The following GYG2 variants were observed in gnomAD, a reference collection of about 807,000 sequenced individuals.
GYG2 encodes the protein glycogenin 2.
GYG2 carries 29 observed loss-of-function variants against 29.4 expected under a neutral mutation model. The observed-to-expected ratio is 0.99, with a 90% CI of 0.74 to 1.35. The LOEUF (loss-of-function observed/expected upper bound fraction) is 1.35. Ranked by LOEUF, GYG2 falls within the 40% of genes most tolerant of loss-of-function variation. The pLI, the probability that GYG2 is intolerant of heterozygous loss-of-function variation, is 0.00. For synonymous variants in GYG2, 167 were observed against 172.3 expected (o/e 0.97, Z 0.24); for missense variants, 370 against 385.7 (o/e 0.96, Z 0.34).
chrX:2,848,714 A>G (rs1318876465), intron 3 of GYG2, among the ~76,000 whole-genome samples: 1 of 111,602 alleles, frequency 9.0e-6, no homozygotes, highest in Non-Finnish European at 1.9e-5. Context: ...AACACAAAGG[A>G]TAAATGCTTG....
chrX:2,843,383 A>T (rs775518611), intron 3 of GYG2, 29 bp downstream of exon 3: 15 of 1,146,479 alleles, frequency 1.3e-5, no homozygotes, highest in Admixed American at 4.7e-5. Flanking sequence ...GCTTGTGCCC[A>T]GCTGGGTCCT....
intron 5 of GYG2, among the ~76,000 whole-genome samples, chrX:2,855,727 A>G (rs2087970121): frequency 9.0e-6 from 1 of 111,207 alleles, no homozygotes; most frequent in Admixed American, 9.6e-5. Flanking sequence ...GGAGTTCAAG[A>G]CCAGCCTAGG....
intron 8 of GYG2, among the ~76,000 whole-genome samples, chrX:2,864,285 A>C (rs1231616265): frequency 8.9e-6 from 1 of 111,928 alleles, no homozygotes; most frequent in Non-Finnish European, 1.9e-5. Context: ...ATGAGGTATC[A>C]ATATGCGTAA....
At chrX:2,855,257 C>G (rs1237183435) in intron 5 of GYG2, 102 bp downstream of exon 5, 4 of 707,002 alleles carry the variant, frequency 5.7e-6, no homozygotes, top group Non-Finnish European at 8.6e-6. Context: ...ACACCTCGCT[C>G]AGCGACAGGG....
At chrX:2,863,214 G>A (rs987941465) in intron 8 of GYG2, among the ~76,000 whole-genome samples, 1 of 109,322 alleles carries the variant, frequency 9.1e-6, no homozygotes, top group Non-Finnish European at 1.9e-5. Flanking sequence ...AGCTGGGACT[G>A]CAGGTGCCCG....
At position 2,878,867 on chromosome X, in the gene GYG2, G is replaced by A. The variant is rs12396384; in HGVS notation, c.1251+1560G>A. Among the ~76,000 whole-genome samples the A allele has an allele frequency of 2.3e-3, 253 of 112,206 alleles. 2 individuals are homozygous for A. Among genetic ancestry groups the A allele is most frequent in the African/African-American group, 7.9e-3 (244 of 30,926 alleles). On this transcript the variant is annotated intron_variant, in intron 10 of 10. Coordinates refer to ENST00000398806, the MANE Select transcript of GYG2 (RefSeq NM_001079855.2). ...ATACTCATCTCTTGTTAGCAGAAAT[G>A]TCACAATCACTGTGCTGTTTTGTCT...
At chrX:2,868,853 C>G (rs1031742810) in intron 8 of GYG2, among the ~76,000 whole-genome samples, 5 of 111,506 alleles carry the variant, frequency 4.5e-5, no homozygotes, top group East Asian at 2.8e-4. Flanking sequence ...CAAAACAAAA[C>G]TCTTTTTAAC....
At chrX:2,849,297 T>C (rs2087815227) in intron 3 of GYG2, among the ~76,000 whole-genome samples, 1 of 110,842 alleles carries the variant, frequency 9.0e-6, no homozygotes, top group Non-Finnish European at 1.9e-5. Context: ...CAGAGGGAGA[T>C]TTGCTGAAGG....
At position 2,844,649 on chromosome X, in the gene GYG2, C is replaced by T. The variant is rs866270059; in HGVS notation, c.149+1295C>T. Among the ~76,000 whole-genome samples the T allele has an allele frequency of 9.8e-5, 2 of 20,343 alleles. 1 individual carries two copies. Among genetic ancestry groups the T allele is most frequent in the African/African-American group, 6.3e-4 (2 of 3,180 alleles). The allele number at this position is 20,343 out of a possible 115,157, so 17.7% of individuals were successfully genotyped here. A position where few individuals can be genotyped will look rare whatever the true frequency, so the allele number is the denominator to read the frequency against. The stretch of plus-strand genomic sequence containing the variant: ...GCACACGCATGCGTATATGTGTATA[C>T]GCACACGCATGCGTATATGTGTATA... On this transcript the variant is annotated intron_variant, in intron 3 of 10. Transcript: ENST00000398806.
chrX:2,860,674 T>C (rs5939375), intron 7 of GYG2, among the ~76,000 whole-genome samples: 8,278 of 105,313 alleles, frequency 0.079, 430 homozygotes, highest in Non-Finnish European at 0.13. Context: ...AACTAGAGCA[T>C]TTGTACTAGA....
intron 3 of GYG2, among the ~76,000 whole-genome samples, chrX:2,846,296 A>G (rs2087736391): frequency 1.9e-5 from 2 of 106,038 alleles, no homozygotes; most frequent in Admixed American, 2.1e-4. Context: ...CGAACGCCTG[A>G]CCTCAAGTGA....
At chrX:2,840,007 C>T (rs1039961637) in intron 2 of GYG2, among the ~76,000 whole-genome samples, 2 of 111,902 alleles carry the variant, frequency 1.8e-5, no homozygotes, top group African/African-American at 6.5e-5. Context: ...ATGCGAGTCA[C>T]TTGTGCACTT....
rs2088715010 is a variant in GYG2, at chrX:2,881,216, C to T, written c.*3C>T. On this transcript the variant is annotated 3_prime_UTR_variant, in exon 11 of 11. Transcript: ENST00000398806. ...AGCTGGACCGGTTCCTGCAGTAATC[C>T]GGCAGCTGGTGGGCGTTGTGTGTAG... 5 of 1,174,305 alleles carry T rather than the reference C, an allele frequency of 4.3e-6. No individual in the cohort carries two copies. The highest frequency in any genetic ancestry group is 1.7e-5 in the African/African-American group (1 of 57,161).
intron 3 of GYG2, among the ~76,000 whole-genome samples, chrX:2,845,093 ATATT>A (rs771640950): frequency 0.019 from 1,394 of 73,194 alleles, 123 homozygotes; most frequent in African/African-American, 0.085. Flanking sequence ...GTGTGTATGT[ATATT>A]TATATACACG....
At chrX:2,875,062 C>G (rs185768699) in intron 8 of GYG2, among the ~76,000 whole-genome samples, 11 of 112,320 alleles carry the variant, frequency 9.8e-5, no homozygotes, top group Admixed American at 6.6e-4. Context: ...CTGTATTTGT[C>G]AAGGTAGGCT....
chrX:2,834,316 T>A (rs1425214621), intron 2 of GYG2, among the ~76,000 whole-genome samples: 4 of 111,932 alleles, frequency 3.6e-5, no homozygotes, highest in Non-Finnish European at 7.5e-5. Flanking sequence ...TTGAAGCACA[T>A]GTCTGTGTTG....
chrX:2,846,167 A>T (rs1227759683), intron 3 of GYG2, among the ~76,000 whole-genome samples: 2 of 93,612 alleles, frequency 2.1e-5, no homozygotes, highest in Non-Finnish European at 4.1e-5. Flanking sequence ...CCTGGGTTCC[A>T]GTGATTCTCC....
intron 8 of GYG2, among the ~76,000 whole-genome samples, chrX:2,870,137 T>C (rs930817738): frequency 9.0e-6 from 1 of 110,737 alleles, no homozygotes; most frequent in Non-Finnish European, 1.9e-5. Flanking sequence ...TTTTTACTCT[T>C]TTTGTAGTGC....
chrX:2,873,731 C>T, intron 8 of GYG2, among the ~76,000 whole-genome samples: 1 of 111,308 alleles, frequency 9.0e-6, no homozygotes, highest in Non-Finnish European at 1.9e-5. Context: ...TGTCTTCATT[C>T]TAAGCACCCC....
Sources: gnomAD v4.1 joint callset for allele counts (sites outside exome capture counted in the v4.1 genomes callset) on GRCh38, gnomAD v4.1.1 for gene constraint, MANE v1.5 for transcripts, NCBI Gene and HGNC (gene_info 2026-07-23, HGNC 2026-07-21) for gene names.